Variants in KDM6A observed in about 807,000 individuals in gnomAD.
KDM6A encodes lysine-specific demethylase 6A.
A neutral mutation model predicts 117.6 loss-of-function variants in KDM6A; 11 were observed. That is an observed-to-expected ratio of 0.09 (90% CI 0.06 to 0.15). KDM6A has a LOEUF of 0.15. KDM6A is among the 10% of genes least tolerant of loss of function. The pLI is 1.00. For missense variants in KDM6A, 799 were observed against 1,077.3 expected (o/e 0.74, Z 3.62); for synonymous variants, 384 against 396.1 (o/e 0.97, Z 0.36).
chrX:45,110,819 G>A lies in KDM6A; in HGVS notation c.4333-563G>A, dbSNP rs1481885111. Among the ~76,000 whole-genome samples, 3 of 111,437 alleles carry A rather than the reference G, an allele frequency of 2.7e-5. No homozygotes were observed. In the East Asian group the frequency reaches 8.5e-4, roughly 31 times the overall value. On this transcript the variant is annotated intron_variant, in intron 29 of 29. Transcript: ENST00000611820. ...TGCTTGGGGGAAGCATTTTACTTTCGCAGATCAATAGCTTTATGAATAGAA... is the reference window on the plus strand; with the variant it reads ...TGCTTGGGGGAAGCATTTTACTTTCACAGATCAATAGCTTTATGAATAGAA...
At chrX:44,952,865 C>T (rs1159334820) in intron 2 of KDM6A, among the ~76,000 whole-genome samples, 1 of 110,381 alleles carries the variant, frequency 9.1e-6, no homozygotes, top group Non-Finnish European at 1.9e-5. Flanking sequence ...CAGCCACCAC[C>T]TCCTGGGCTT....
intron 8 of KDM6A, among the ~76,000 whole-genome samples, chrX:45,049,966 C>T (rs1207920357): frequency 3.5e-5 from 4 of 112,771 alleles, no homozygotes; most frequent in Non-Finnish European, 7.5e-5. Context: ...TATCCTTGGC[C>T]TAACTATCTA....
At chrX:44,965,949 G>T in intron 3 of KDM6A, among the ~76,000 whole-genome samples, 1 of 111,160 alleles carries the variant, frequency 9.0e-6, no homozygotes, top group Middle Eastern at 4.7e-3. Context: ...TTTTATTGCT[G>T]CACCTTTATG....
intron 27 of KDM6A, among the ~76,000 whole-genome samples, chrX:45,095,445 G>A (rs1014152638): frequency 6.3e-5 from 7 of 111,301 alleles, no homozygotes; most frequent in African/African-American, 2.3e-4. Context: ...TGGGGGATAT[G>A]CCTGTTTAAG....
In KDM6A at chrX:45,076,816, C is replaced by T; in HGVS notation, c.2978C>T (p.Pro993Leu). The T allele has an allele frequency of 8.3e-7, 1 of 1,201,094 alleles. No individual in the cohort carries two copies. The highest frequency in any genetic ancestry group is 1.1e-6 in the Non-Finnish European group (1 of 887,266). ...LPKDKLNPPTPSIYLENKRDA... is the reference protein window; with the variant it reads ...LPKDKLNPPTLSIYLENKRDA... ...AAGGACAAGTTGAATCCACCTACAC[C>T]TAGTATTTACGTGAGTCTGAATTGA... Residue 993 changes from proline to leucine, a missense_variant, in exon 19 of 30, where the codon CCT becomes CTT. This residue lies in a region of KDM6A where 291 missense variants were observed against 437.9 expected (regional missense o/e 0.66). Coordinates refer to ENST00000611820, the MANE Select transcript of KDM6A (RefSeq NM_001291415.2).
At chrX:44,911,229 A>T (rs2035115969) in intron 2 of KDM6A, among the ~76,000 whole-genome samples, 1 of 109,622 alleles carries the variant, frequency 9.1e-6, no homozygotes, top group African/African-American at 3.3e-5. Context: ...CACTTCCCGG[A>T]CGGGGCGGCT....
rs1427249569 is a variant in KDM6A, at chrX:45,060,093, G to A, written c.1266G>A (p.Ala422=). 9 of 1,210,850 alleles carry A rather than the reference G, an allele frequency of 7.4e-6. No individual in the cohort carries two copies. Among genetic ancestry groups the A allele is most frequent in the South Asian group, 5.3e-5 (3 of 56,756 alleles). ...KTKLLPSIEE[A]WSLPIPAELT... ...AATTACTTCCTAGTATTGAGGAGGC[G>A]TGGAGCCTACCAATTCCCGCAGAGC... The change falls in exon 13 of 30, where the codon GCG becomes GCA. Residue 422 remains alanine, a synonymous_variant. Coordinates refer to ENST00000611820, the MANE Select transcript of KDM6A (RefSeq NM_001291415.2).
At chrX:44,881,949 A>C (rs1173987597) in intron 2 of KDM6A, among the ~76,000 whole-genome samples, 1 of 110,729 alleles carries the variant, frequency 9.0e-6, no homozygotes, top group African/African-American at 3.3e-5. Flanking sequence ...CGGCCTCCTG[A>C]AGTGCTGGGA....
At chrX:45,083,715 A>G in intron 24 of KDM6A, 107 bp downstream of exon 24, 1 of 724,931 alleles carries the variant, frequency 1.4e-6, no homozygotes, top group Non-Finnish European at 2.1e-6. Flanking sequence ...TAAAACTGAG[A>G]GTTGTTCCTG....
rs184569663 is a variant in KDM6A, at chrX:44,926,715, T to C, written c.226-34569T>C. ...GTTGTTACACCCCTTTGAAAGCCTC[T>C]GTTTAGAGACATTTGATAAATATTC... On this transcript the variant is annotated intron_variant, in intron 2 of 29. Transcript: ENST00000611820. Among the ~76,000 whole-genome samples the C allele has an allele frequency of 4.3e-3, 486 of 111,945 alleles. 1 individual carries two copies. The highest frequency in any genetic ancestry group is 5.1e-3 in the Non-Finnish European group (269 of 53,183).
chrX:45,038,576 T>G (rs760585135), intron 8 of KDM6A, among the ~76,000 whole-genome samples: 3 of 96,792 alleles, frequency 3.1e-5, no homozygotes, highest in African/African-American at 1.2e-4. Flanking sequence ...AGTTGTATGA[T>G]AAAAGTATAA....
At chrX:45,104,213 G>A (rs1456133052) in intron 27 of KDM6A, among the ~76,000 whole-genome samples, 1 of 111,166 alleles carries the variant, frequency 9.0e-6, no homozygotes, top group Admixed American at 9.5e-5. Context: ...TAGTAGAGAC[G>A]GGGTTTCTCC....
intron 8 of KDM6A, among the ~76,000 whole-genome samples, chrX:45,040,110 C>T (rs2043002484): frequency 1.7e-5 from 1 of 57,452 alleles, no homozygotes; most frequent in Non-Finnish European, 3.2e-5. Context: ...CCCCTCACCT[C>T]CCGGATGGGG....
intron 2 of KDM6A, among the ~76,000 whole-genome samples, chrX:44,878,763 C>A (rs2031943955): frequency 9.0e-6 from 1 of 110,515 alleles, no homozygotes; most frequent in South Asian, 3.9e-4. Context: ...ACACTATCCC[C>A]CAGGCTGGAG....
intron 5 of KDM6A, among the ~76,000 whole-genome samples, chrX:45,013,443 A>G (rs1243501692): frequency 8.9e-6 from 1 of 112,085 alleles, no homozygotes; most frequent in Non-Finnish European, 1.9e-5. Context: ...AGAACATAAA[A>G]TTAGTAATGA....
chrX:44,985,068 T>G (rs1229472133), intron 4 of KDM6A, among the ~76,000 whole-genome samples: 1 of 110,010 alleles, frequency 9.1e-6, no homozygotes, highest in African/African-American at 3.3e-5. Context: ...TCCATTTGTT[T>G]GTATCCTCTT....
chrX:44,953,430 C>T (rs188139273), intron 2 of KDM6A, among the ~76,000 whole-genome samples: 13 of 111,920 alleles, frequency 1.2e-4, no homozygotes, highest in Admixed American at 1.0e-3. Flanking sequence ...ATTAAATTTA[C>T]GGGTTCTATT....
chrX:45,111,251 T>C lies in KDM6A; in HGVS notation c.4333-131T>C, dbSNP rs2046757485. On this transcript the variant is annotated intron_variant, in intron 29 of 29. Coordinates refer to ENST00000611820, the MANE Select transcript of KDM6A (RefSeq NM_001291415.2). ...GAGATAGTAAGGTAGGCTGTACTTT[T>C]ATGTTGCATAGCAGGCTGTTGAACT... is the stretch of plus-strand genomic sequence containing the variant. The C allele has an allele frequency of 1.7e-5, 9 of 527,014 alleles. No individual in the cohort carries two copies. The South Asian group carries it at 2.4e-4, about 14-fold the overall frequency. The allele number at this position is 527,014 out of a possible 1,213,427, so 43.4% of individuals were successfully genotyped here. A position where few individuals can be genotyped will look rare whatever the true frequency, so the allele number is the denominator to read the frequency against.
At chrX:44,992,206 C>T (rs545876000) in intron 4 of KDM6A, among the ~76,000 whole-genome samples, 6 of 32,060 alleles carry the variant, frequency 1.9e-4, no homozygotes, top group Non-Finnish European at 2.9e-4. Context: ...CTGTCTTCTT[C>T]TTTTTTTTTT....
Sources: allele counts gnomAD v4.1 joint callset (sites outside exome capture counted in the v4.1 genomes callset), GRCh38; gene constraint gnomAD v4.1.1; regional missense constraint gnomAD v4.1.1; transcripts MANE v1.5; gene names NCBI Gene and HGNC (gene_info 2026-07-23, HGNC 2026-07-21).